Variants in LRP1B observed in about 807,000 individuals in gnomAD.
The protein encoded by LRP1B is LDL receptor related protein 1B.
LRP1B carries 217 observed loss-of-function variants against 556.6 expected under a neutral mutation model. That is an observed-to-expected ratio of 0.39 (90% CI 0.35 to 0.44). LRP1B has a LOEUF of 0.44. Ranked by LOEUF, LRP1B falls within the 20% of genes least tolerant of loss-of-function variation. The probability of loss-of-function intolerance (pLI) is 1.00; values close to 1 mark genes in which losing one functional copy is unlikely to be tolerated. For missense variants in LRP1B, 5,053 were observed against 5,620.8 expected, an observed-to-expected ratio of 0.90 and a Z score of 3.23; for synonymous variants, 2,047 against 1,865.8, an observed-to-expected ratio of 1.10 and a Z score of -2.50.
chr2:141,416,452 T>C (rs1365216396), intron 3 of LRP1B, among the ~76,000 whole-genome samples: 1 of 145,054 alleles, frequency 6.9e-6, no homozygotes, highest in East Asian at 2.0e-4. Flanking sequence ...AGCCATTTTT[T>C]TTTTTTTTTT....
intron 1 of LRP1B, among the ~76,000 whole-genome samples, chr2:141,973,299 G>T (rs1330720952): frequency 6.6e-6 from 1 of 151,510 alleles, no homozygotes; most frequent in Non-Finnish European, 1.5e-5. Flanking sequence ...AGAAATTTTA[G>T]CCTCTAGAAA....
chr2:140,752,211 G>C (rs1452150747), intron 35 of LRP1B, among the ~76,000 whole-genome samples: 2 of 151,822 alleles, frequency 1.3e-5, no homozygotes, highest in Non-Finnish European at 2.9e-5. Flanking sequence ...CTACTAAGAA[G>C]GCTGAGGCAG....
intron 1 of LRP1B, among the ~76,000 whole-genome samples, chr2:141,925,710 G>A (rs950545931): frequency 6.6e-6 from 1 of 152,084 alleles, no homozygotes; most frequent in Admixed American, 6.6e-5. Context: ...TATCACATAG[G>A]GATCAACTCA....
chr2:141,309,886 G>A (rs1190639077), intron 3 of LRP1B, among the ~76,000 whole-genome samples: 1 of 151,900 alleles, frequency 6.6e-6, no homozygotes, highest in Non-Finnish European at 1.5e-5. Flanking sequence ...AAATGAGAGA[G>A]AGAGAAAAAA....
chr2:141,071,624 T>C (rs1180193327), intron 7 of LRP1B, among the ~76,000 whole-genome samples: 2 of 152,036 alleles, frequency 1.3e-5, no homozygotes, highest in African/African-American at 4.8e-5. Flanking sequence ...CAGCCCAAAA[T>C]CTCCTTAAGC....
At chr2:141,120,657 C>A (rs536319918) in intron 7 of LRP1B, among the ~76,000 whole-genome samples, 1 of 152,062 alleles carries the variant, frequency 6.6e-6, no homozygotes, top group East Asian at 1.9e-4. Flanking sequence ...GGTAGTTTTA[C>A]TTTTAACTTT....
intron 6 of LRP1B, among the ~76,000 whole-genome samples, chr2:141,215,147 C>G (rs1682737297): frequency 6.6e-6 from 1 of 152,114 alleles, no homozygotes. Context: ...CCCTTGAGAT[C>G]TGGTTATTTG....
intron 23 of LRP1B, among the ~76,000 whole-genome samples, chr2:140,890,095 A>G (rs1167140416): frequency 1.9e-4 from 4 of 20,852 alleles, no homozygotes; most frequent in African/African-American, 5.1e-4. Context: ...AATCATATTT[A>G]TTAGTTAAAA....
Position 140,537,217 on chromosome 2 carries a change from A to AT in LRP1B, c.7514-509_7514-508insA, listed in dbSNP as rs1171524675. On this transcript the variant is annotated intron_variant, in intron 45 of 90. Coordinates refer to ENST00000389484, the MANE Select transcript of LRP1B (RefSeq NM_018557.3). ...TATAAGAATATATAATATAATATAT[A>AT]ATAATAATATAATAATTATTATTAT... Among the ~76,000 whole-genome samples, 59 of 147,684 alleles carry AT rather than the reference A, an allele frequency of 4.0e-4. No individual in the cohort carries two copies. In the East Asian group the frequency reaches 9.0e-3, roughly 23 times the overall value.
chr2:142,003,986 T>G (rs936714142), intron 1 of LRP1B, among the ~76,000 whole-genome samples: 2 of 152,158 alleles, frequency 1.3e-5, no homozygotes, highest in African/African-American at 4.8e-5. Context: ...AAAGACTCCA[T>G]GAAATAGTAA....
chr2:141,570,855 A>G (rs1331901286), intron 2 of LRP1B, among the ~76,000 whole-genome samples: 1 of 151,044 alleles, frequency 6.6e-6, no homozygotes, highest in Non-Finnish European at 1.5e-5. Flanking sequence ...GCTTCTCTGC[A>G]GGAACTCCAA....
intron 7 of LRP1B, among the ~76,000 whole-genome samples, chr2:141,120,772 C>A (rs538498829): frequency 6.6e-6 from 1 of 152,064 alleles, no homozygotes; most frequent in East Asian, 1.9e-4. Context: ...GTTTGTTTTA[C>A]TTTACTCATT....
chr2:140,605,511 T>C (rs1682834525), intron 41 of LRP1B, among the ~76,000 whole-genome samples: 1 of 152,052 alleles, frequency 6.6e-6, no homozygotes, highest in African/African-American at 2.4e-5. Context: ...GTTCTGTTTC[T>C]TTTATTTTCC....
intron 1 of LRP1B, among the ~76,000 whole-genome samples, chr2:142,077,351 T>G (rs1049228317): frequency 6.6e-6 from 1 of 152,146 alleles, no homozygotes; most frequent in African/African-American, 2.4e-5. Context: ...CTGAGCATTC[T>G]TTAGGAAGGG....
At chr2:141,118,184 A>G (rs1472535261) in intron 7 of LRP1B, among the ~76,000 whole-genome samples, 1 of 151,926 alleles carries the variant, frequency 6.6e-6, no homozygotes, top group Non-Finnish European at 1.5e-5. Flanking sequence ...TTCAATGTTC[A>G]GTTTGCACTA....
chr2:141,840,915 A>G (rs572917476), intron 1 of LRP1B, among the ~76,000 whole-genome samples: 1 of 139,242 alleles, frequency 7.2e-6, no homozygotes, highest in African/African-American at 2.7e-5. Flanking sequence ...AGAAAATGCT[A>G]ATTCCATGCA....
At chr2:140,636,831 C>T (rs1384503128) in intron 41 of LRP1B, among the ~76,000 whole-genome samples, 4 of 152,104 alleles carry the variant, frequency 2.6e-5, no homozygotes, top group South Asian at 2.1e-4. Context: ...CCCACAGATA[C>T]GGCTTACTCC....
chr2:141,465,944 A>T (rs966453834), intron 3 of LRP1B, among the ~76,000 whole-genome samples: 1 of 151,816 alleles, frequency 6.6e-6, no homozygotes, highest in Non-Finnish European at 1.5e-5. Context: ...GCTGGAGTGC[A>T]ATGGCACGAT....
chr2:141,437,107 C>A (rs957771422), intron 3 of LRP1B, among the ~76,000 whole-genome samples: 10 of 152,092 alleles, frequency 6.6e-5, no homozygotes, highest in Non-Finnish European at 1.2e-4. Flanking sequence ...GCTATTTAAA[C>A]CTTTCTCCCC....
Sources: gnomAD v4.1 joint callset for allele counts (sites outside exome capture counted in the v4.1 genomes callset) on GRCh38, gnomAD v4.1.1 for gene constraint, MANE v1.5 for transcripts, NCBI Gene and HGNC (gene_info 2026-07-23, HGNC 2026-07-21) for gene names.